Variants in FRMPD4 observed in about 807,000 individuals in gnomAD.
The protein encoded by FRMPD4 is FERM and PDZ domain-containing protein 4.
FRMPD4 carries 22 observed loss-of-function variants against 94.1 expected under a neutral mutation model. The ratio of observed to expected loss-of-function variants is 0.23; its 90% CI spans 0.17 to 0.33. The LOEUF (loss-of-function observed/expected upper bound fraction) is 0.33, where lower values mean the gene tolerates loss of function less well. FRMPD4 is among the 10% of genes least tolerant of loss of function. The pLI, the probability that FRMPD4 is intolerant of heterozygous loss-of-function variation, is 1.00. For synonymous variants in FRMPD4, 631 were observed against 548.6 expected, an observed-to-expected ratio of 1.15 and a Z score of -2.10; for missense variants, 1,111 against 1,339.9, an observed-to-expected ratio of 0.83 and a Z score of 2.67.
At chrX:12,461,017 AAAT>A (rs1407548958) in intron 1 of FRMPD4, among the ~76,000 whole-genome samples, 1 of 112,158 alleles carries the variant, frequency 8.9e-6, no homozygotes, top group Non-Finnish European at 1.9e-5. Context: ...CTCTTATACA[AAAT>A]AATAGTTATT....
chrX:12,508,991 CAAAAAAAAAAA>C (rs770698547), intron 2 of FRMPD4, among the ~76,000 whole-genome samples: 1 of 30,538 alleles, frequency 3.3e-5, no homozygotes, highest in East Asian at 1.5e-3. Flanking sequence ...GACTCTGTCT[CAAAAAAAAAAA>C]AAAAAAAAAA....
At chrX:12,522,706 G>A (rs2058177742) in intron 2 of FRMPD4, among the ~76,000 whole-genome samples, 1 of 102,901 alleles carries the variant, frequency 9.7e-6, no homozygotes, top group African/African-American at 3.6e-5. Flanking sequence ...TGATTCAAGT[G>A]ATTTTCCCAC....
chrX:12,274,041 C>T (rs1423144138), intron 1 of FRMPD4, among the ~76,000 whole-genome samples: 1 of 111,416 alleles, frequency 9.0e-6, no homozygotes, highest in Non-Finnish European at 1.9e-5. Context: ...TTTCATGGGT[C>T]TTTCATGTGC....
chrX:12,180,777 A>G (rs2056349603), intron 1 of FRMPD4, among the ~76,000 whole-genome samples: 1 of 112,524 alleles, frequency 8.9e-6, no homozygotes, highest in South Asian at 3.7e-4. Flanking sequence ...GCAGCCATAG[A>G]CAGTATGGAA....
At chrX:12,196,477 T>A (rs181510301) in intron 1 of FRMPD4, among the ~76,000 whole-genome samples, 12 of 110,472 alleles carry the variant, frequency 1.1e-4, no homozygotes, top group African/African-American at 3.9e-4. Flanking sequence ...CCAGTTGAAG[T>A]TTGGAACTAT....
intron 1 of FRMPD4, among the ~76,000 whole-genome samples, chrX:11,848,080 A>T (rs1369165710): frequency 9.1e-6 from 1 of 110,437 alleles, no homozygotes; most frequent in Non-Finnish European, 1.9e-5. Flanking sequence ...AAATAATATG[A>T]TTAGGAGAAA....
chrX:12,378,852 T>TAAAAACAC (rs1197627456), intron 1 of FRMPD4, among the ~76,000 whole-genome samples: 4 of 111,954 alleles, frequency 3.6e-5, no homozygotes, highest in African/African-American at 1.3e-4. Context: ...ACAGGAGTGT[T>TAAAAACAC]TTTAGTGAGA....
At chrX:11,996,194 T>C (rs1450457209) in intron 3 of FRMPD4, among the ~76,000 whole-genome samples, 1 of 112,036 alleles carries the variant, frequency 8.9e-6, no homozygotes, top group African/African-American at 3.2e-5. Flanking sequence ...TGTAACACAA[T>C]GTGCTGCCTC....
chrX:12,493,771 C>G (rs1013204520), intron 1 of FRMPD4, among the ~76,000 whole-genome samples: 2 of 111,784 alleles, frequency 1.8e-5, no homozygotes, highest in African/African-American at 3.2e-5. Flanking sequence ...CTGTGAGTAT[C>G]CTAAGCAGTT....
At chrX:12,336,839 G>A (rs769811356) in intron 1 of FRMPD4, among the ~76,000 whole-genome samples, 1 of 111,907 alleles carries the variant, frequency 8.9e-6, no homozygotes, top group Non-Finnish European at 1.9e-5. Context: ...AAGGGGATTC[G>A]AAAAGACAAG....
chrX:12,662,316 A>G (rs138416860), intron 4 of FRMPD4, among the ~76,000 whole-genome samples: 1,868 of 110,506 alleles, frequency 0.017, 22 homozygotes, highest in Non-Finnish European at 0.027. Context: ...CCCATCGCCT[A>G]TATTAGGTAT....
At chrX:11,860,690 G>A (rs985624208) in intron 1 of FRMPD4, among the ~76,000 whole-genome samples, 1 of 111,776 alleles carries the variant, frequency 8.9e-6, no homozygotes, top group South Asian at 3.7e-4. Context: ...CATCTAATGA[G>A]GTTCTTAAAA....
chrX:12,610,232 G>A (rs1179502221), intron 3 of FRMPD4, among the ~76,000 whole-genome samples: 1 of 112,217 alleles, frequency 8.9e-6, no homozygotes, highest in Non-Finnish European at 1.9e-5. Flanking sequence ...AGTGGTTACA[G>A]TAGGATTTAG....
At chrX:12,243,206 G>A (rs1014222843) in intron 1 of FRMPD4, among the ~76,000 whole-genome samples, 8 of 112,144 alleles carry the variant, frequency 7.1e-5, no homozygotes, top group Non-Finnish European at 1.3e-4. Flanking sequence ...TGTATGCTTC[G>A]TCATTCCCAC....
At chrX:12,190,363 A>G in intron 1 of FRMPD4, among the ~76,000 whole-genome samples, 1 of 110,974 alleles carries the variant, frequency 9.0e-6, no homozygotes, top group Non-Finnish European at 1.9e-5. Flanking sequence ...TTTGATTCTA[A>G]TGTTTATATG....
intron 1 of FRMPD4, among the ~76,000 whole-genome samples, chrX:11,846,752 G>A (rs6640796): frequency 0.031 from 3,279 of 105,754 alleles, 121 homozygotes; most frequent in East Asian, 0.15. Context: ...CTGATCTTTG[G>A]CAAACCTGAG....
chrX:12,014,034 C>T (rs1057498535), intron 3 of FRMPD4, among the ~76,000 whole-genome samples: 4 of 111,783 alleles, frequency 3.6e-5, no homozygotes, highest in Non-Finnish European at 3.8e-5. Flanking sequence ...AAGCATATAA[C>T]GTGCTTATTA....
chrX:12,055,478 C>A (rs1330660086), intron 3 of FRMPD4, among the ~76,000 whole-genome samples: 3 of 111,842 alleles, frequency 2.7e-5, no homozygotes, highest in Non-Finnish European at 5.6e-5. Context: ...ACACCTGCTC[C>A]CCCTTTGCCT....
At chrX:12,219,166 C>T (rs1331530243) in intron 1 of FRMPD4, among the ~76,000 whole-genome samples, 1 of 111,602 alleles carries the variant, frequency 9.0e-6, no homozygotes, top group Non-Finnish European at 1.9e-5. Context: ...CTCAGGAGTT[C>T]AAGATCAGCC....
Sources: gnomAD v4.1 joint callset for allele counts (sites outside exome capture counted in the v4.1 genomes callset) on GRCh38, gnomAD v4.1.1 for gene constraint, MANE v1.5 for transcripts, NCBI Gene and HGNC (gene_info 2026-07-23, HGNC 2026-07-21) for gene names.